The following RBM26 variants were observed in gnomAD, a reference collection of about 807,000 sequenced individuals.
The protein encoded by RBM26 is RNA-binding protein 26.
In RBM26, 30 loss-of-function variants were observed where a neutral mutation model predicts 123.6. That is an observed-to-expected ratio of 0.24 (90% CI 0.18 to 0.33). The LOEUF (loss-of-function observed/expected upper bound fraction) is 0.33, where lower values mean the gene tolerates loss of function less well. RBM26 is among the 10% of genes least tolerant of loss of function. The pLI, the probability that RBM26 is intolerant of heterozygous loss-of-function variation, is 1.00. For missense variants in RBM26, 947 were observed against 1,203.6 expected (o/e 0.79, Z 3.15); for synonymous variants, 400 against 404.4 (o/e 0.99, Z 0.13).
At position 79,320,071 on chromosome 13, in the gene RBM26, C is replaced by T. The variant is rs188159793; in HGVS notation, c.*550G>A. The T allele has an allele frequency of 6.2e-4, 607 of 973,120 alleles. 1 individual carries two copies. The highest frequency in any genetic ancestry group is 6.6e-4 in the Non-Finnish European group (545 of 823,834). The allele number at this position is 973,120 out of a possible 1,614,324, so 60.3% of individuals were successfully genotyped here. On this transcript the variant is annotated 3_prime_UTR_variant, in exon 22 of 22. Transcript: ENST00000438737. Reference sequence around the variant, plus strand: ...TAAGGACTCATGTAAAGCAGTCATACACCATTATCATTAAAACCCATATGG... The same window carrying T: ...TAAGGACTCATGTAAAGCAGTCATATACCATTATCATTAAAACCCATATGG...
chr13:79,317,289 G>C (rs1476198557), downstream of RBM26, among the ~76,000 whole-genome samples: 2 of 151,638 alleles, frequency 1.3e-5, no homozygotes, highest in African/African-American at 4.8e-5. Context: ...ATGATAAAAT[G>C]ATAGAAAACA....
At chr13:79,377,290 C>T in intron 3 of RBM26, 89 bp downstream of exon 3, 2 of 1,169,616 alleles carry the variant, frequency 1.7e-6, no homozygotes, top group Non-Finnish European at 2.5e-6. Flanking sequence ...CTGAGGACTC[C>T]AACACAAAGA....
At chr13:79,366,514 A>C (rs549485444) in intron 7 of RBM26, 119 bp downstream of exon 7, 2 of 1,065,146 alleles carry the variant, frequency 1.9e-6, no homozygotes, top group African/African-American at 1.6e-5. Flanking sequence ...TACTGCTATT[A>C]ATTTCTATCA....
rs973798543 is a variant in RBM26, at chr13:79,391,647, C to T, written c.72-12740G>A. On this transcript the variant is annotated intron_variant, in intron 1 of 21. Transcript: ENST00000438737. The stretch of plus-strand genomic sequence containing the variant: ...CCATGTTGGCCAGGCTGGTCTCGAA[C>T]TCTTGAACTCAAATGATCCACCCAC... Among the ~76,000 whole-genome samples the T allele has an allele frequency of 2.0e-5, 3 of 152,102 alleles. No homozygotes were observed. In the South Asian group the frequency reaches 6.2e-4, roughly 31 times the overall value.
In RBM26 at chr13:79,405,781, C is replaced by G; in HGVS notation, c.-7G>C. 6.3e-7 allele frequency: 1 copy of G among 1,575,900 alleles called. No homozygotes were observed. Among genetic ancestry groups the G allele is most frequent in the Non-Finnish European group, 8.6e-7 (1 of 1,159,094 alleles). ...TGATCATTTTAGAAACCATCCACAG[C>G]GGCCCTAAGGCCCGTCACACTCCTC... On this transcript the variant is annotated 5_prime_UTR_variant, in exon 1 of 22. Transcript: ENST00000438737.
intron 9 of RBM26, among the ~76,000 whole-genome samples, chr13:79,363,215 A>G (rs568714935): frequency 6.6e-6 from 1 of 152,230 alleles, no homozygotes; most frequent in Admixed American, 6.5e-5. Context: ...AGTAAGCATA[A>G]AAGTTTAACT....
intron 11 of RBM26, among the ~76,000 whole-genome samples, chr13:79,356,570 T>C (rs746583259): frequency 3.3e-5 from 5 of 152,162 alleles, no homozygotes; most frequent in Non-Finnish European, 5.9e-5. Context: ...GAACAGAGAT[T>C]GTACACAGTC....
intron 9 of RBM26, among the ~76,000 whole-genome samples, chr13:79,365,374 C>A (rs2075152478): frequency 6.6e-6 from 1 of 152,070 alleles, no homozygotes. Context: ...AAAGGGGAGG[C>A]AAAGGTTAGA....
downstream of RBM26, chr13:79,314,862 CA>C (rs1195332649): frequency 3.4e-5 from 21 of 613,336 alleles, no homozygotes; most frequent in Non-Finnish European, 5.0e-5. Flanking sequence ...TACATGTAAA[CA>C]TCTGTTCAAA....
At chr13:79,391,914 A>G (rs1328166745) in intron 1 of RBM26, among the ~76,000 whole-genome samples, 4 of 148,960 alleles carry the variant, frequency 2.7e-5, no homozygotes, top group Non-Finnish European at 5.9e-5. Flanking sequence ...AGGAAAAAAT[A>G]TATAATACGT....
intron 20 of RBM26, among the ~76,000 whole-genome samples, chr13:79,330,610 T>A (rs1566316349): frequency 1.3e-5 from 2 of 152,160 alleles, no homozygotes; most frequent in African/African-American, 4.8e-5. Context: ...TTCCTTACGT[T>A]TTTAGTAACG....
In RBM26 at chr13:79,342,667, A is replaced by G; in HGVS notation, c.2424T>C (p.Thr808=). 1 of 1,598,212 alleles carries G rather than the reference A, an allele frequency of 6.3e-7. No homozygotes were observed. The highest frequency in any genetic ancestry group is 8.5e-7 in the Non-Finnish European group (1 of 1,170,870). ...RCLPKSIKTK[T]QMQKELLDTE... ...GAACAACAATGAAATTAAATACCTGAGTCTTGGTTTTTATACTTTTTGGAA... is the reference window on the plus strand; with the variant it reads ...GAACAACAATGAAATTAAATACCTGGGTCTTGGTTTTTATACTTTTTGGAA... The change falls in exon 17 of 22, where the codon ACT becomes ACC. Residue 808 remains threonine (T), a synonymous_variant. Coordinates refer to ENST00000438737, the MANE Select transcript of RBM26 (RefSeq NM_001366735.2).
rs1184222082 is a variant in RBM26 at position 79,345,471 on chromosome 13, A to G, written c.2059-677T>C. On this transcript the variant is annotated intron_variant, in intron 14 of 21. Transcript: ENST00000438737. ...TAGTAAAAAAAAACGACCTGATAATATATTAATTAATGTGTCTTTTCCCCC... is the reference window on the plus strand; with the variant it reads ...TAGTAAAAAAAAACGACCTGATAATGTATTAATTAATGTGTCTTTTCCCCC... Among the ~76,000 whole-genome samples the G allele has an allele frequency of 3.3e-5, 5 of 152,044 alleles. 1 individual carries two copies. In the South Asian group the frequency reaches 6.2e-4, roughly 19 times the overall value.
At chr13:79,380,505 A>AAC (rs1005256282) in intron 1 of RBM26, among the ~76,000 whole-genome samples, 26 of 151,894 alleles carry the variant, frequency 1.7e-4, no homozygotes, top group Non-Finnish European at 2.4e-4. Context: ...TTAAAAAAAA[A>AAC]AAACCACATA....
intron 18 of RBM26, 53 bp from the exon 19 acceptor site, chr13:79,337,355 C>G: frequency 6.3e-7 from 1 of 1,588,638 alleles, no homozygotes; most frequent in Non-Finnish European, 8.6e-7. Flanking sequence ...CTAACACAAG[C>G]CAAGCATTAC....
chr13:79,368,346 T>C (rs901487656), intron 6 of RBM26, among the ~76,000 whole-genome samples: 1 of 152,182 alleles, frequency 6.6e-6, no homozygotes, highest in African/African-American at 2.4e-5. Flanking sequence ...AATTCTTTAA[T>C]AAAATTCTTA....
At chr13:79,330,827 T>C (rs755967408) in intron 20 of RBM26, among the ~76,000 whole-genome samples, 6 of 152,110 alleles carry the variant, frequency 3.9e-5, no homozygotes, top group Admixed American at 6.6e-5. Flanking sequence ...TCAATGCACA[T>C]GGCTACTTTC....
intron 1 of RBM26, among the ~76,000 whole-genome samples, chr13:79,394,268 A>T (rs2078362057): frequency 6.6e-6 from 1 of 152,182 alleles, no homozygotes; most frequent in South Asian, 2.1e-4. Flanking sequence ...CTTTTGAAGC[A>T]GTTTGTCAAC....
intron 5 of RBM26, among the ~76,000 whole-genome samples, chr13:79,370,655 T>C (rs898607427): frequency 9.2e-5 from 14 of 152,246 alleles, no homozygotes; most frequent in African/African-American, 3.1e-4. Flanking sequence ...TATTTTTACA[T>C]ACTGCCAAAA....
Sources: gnomAD v4.1 joint callset for allele counts (sites outside exome capture counted in the v4.1 genomes callset) on GRCh38, gnomAD v4.1.1 for gene constraint, MANE v1.5 for transcripts, NCBI Gene and HGNC (gene_info 2026-07-23, HGNC 2026-07-21) for gene names.